The following NEXN variants were observed in gnomAD, a reference collection of about 807,000 sequenced individuals.
NEXN encodes the protein nexilin F-actin binding protein.
Under a neutral mutation model 92.6 loss-of-function variants are expected in NEXN, and 65 were observed. That is an observed-to-expected ratio of 0.70 (90% confidence interval 0.57 to 0.86). The LOEUF is 0.86. Among genes scored for constraint, NEXN ranks in the 40% least tolerant of loss-of-function variants. The probability of loss-of-function intolerance (pLI) is 0.00; values close to 1 mark genes in which losing one functional copy is unlikely to be tolerated. For missense variants in NEXN, 778 were observed against 771.1 expected (o/e 1.01, Z -0.11); for synonymous variants, 254 against 242.5 (o/e 1.05, Z -0.44).
At chr1:77,928,627 GATA>G (rs1201146972) in intron 8 of NEXN, among the ~76,000 whole-genome samples, 3 of 150,960 alleles carry the variant, frequency 2.0e-5, no homozygotes, top group Admixed American at 2.0e-4. Context: ...AATAGTTCTA[GATA>G]ATAATCTTTT....
In NEXN at chr1:77,942,498, T is replaced by C. The variant is rs369894742; in HGVS notation, c.1697T>C (p.Met566Thr). 2 of 1,613,914 alleles carry C rather than the reference T, an allele frequency of 1.2e-6. No homozygotes were observed. The highest frequency in any genetic ancestry group is 3.3e-4 in the Middle Eastern group (2 of 6,062). ...GAGGAGGAGGAAGAAGGTAGCATCA[T>C]GAATGGCTCCACTGCTGAAGATGAA... ...EEEEEEEGSI[M>T]NGSTAEDEEQ... Residue 566 changes from methionine (M) to threonine (T), a missense_variant, in exon 13 of 13, where the codon ATG becomes ACG. This residue lies in a region of NEXN where 532 missense variants were observed against 476.7 expected (regional missense o/e 1.12). Coordinates refer to ENST00000334785, the MANE Select transcript of NEXN (RefSeq NM_144573.4).
chr1:77,937,519 G>C (rs1430866550), intron 11 of NEXN, among the ~76,000 whole-genome samples: 1 of 152,020 alleles, frequency 6.6e-6, no homozygotes, highest in Non-Finnish European at 1.5e-5. Flanking sequence ...GTGAAACCCT[G>C]TCTCTACAAA....
intron 8 of NEXN, 55 bp from the exon 9 acceptor site, chr1:77,929,261 C>T (rs1007242264): frequency 5.5e-6 from 7 of 1,272,060 alleles, no homozygotes; most frequent in Non-Finnish European, 8.0e-6. Flanking sequence ...ATTAATAATT[C>T]ATTCCTTTTT....
chr1:77,896,563 CA>C (rs1647265975), intron 1 of NEXN, among the ~76,000 whole-genome samples: 1 of 152,076 alleles, frequency 6.6e-6, no homozygotes, highest in Non-Finnish European at 1.5e-5. Flanking sequence ...AGTTCAAGGC[CA>C]GCCTGGCCAA....
chr1:77,928,817 C>G (rs2102131512), intron 8 of NEXN, among the ~76,000 whole-genome samples: 1 of 152,226 alleles, frequency 6.6e-6, no homozygotes. Context: ...AACAGTAACC[C>G]CTCACTGCAG....
chr1:77,921,429 C>T (rs1162548838), intron 5 of NEXN, among the ~76,000 whole-genome samples: 4 of 152,090 alleles, frequency 2.6e-5, no homozygotes, highest in Non-Finnish European at 4.4e-5. Flanking sequence ...GGCTTCTCAC[C>T]GTATCTCCTG....
chr1:77,925,335 T>C lies in NEXN; in HGVS notation c.489+106T>C, dbSNP rs76684082. On this transcript the variant is annotated intron_variant, in intron 6 of 12. Coordinates refer to ENST00000334785, the MANE Select transcript of NEXN (RefSeq NM_144573.4). ...AAAAGAGCTTTTATTATTTTTATTATAAATGTAGAAATAACAAAAAAGTAT... is the reference window on the plus strand; with the variant it reads ...AAAAGAGCTTTTATTATTTTTATTACAAATGTAGAAATAACAAAAAAGTAT... 18,285 of 826,810 alleles carry C rather than the reference T, an allele frequency of 0.022. 336 individuals carry two copies. The highest frequency in any genetic ancestry group is 0.051 in the Middle Eastern group (147 of 2,896). 51.2% of individuals were successfully genotyped at this position (826,810 alleles called of 1,614,324 possible).
intron 1 of NEXN, among the ~76,000 whole-genome samples, chr1:77,912,897 TATGATACCAAAGTCACA>T (rs1032961173): frequency 2.6e-5 from 4 of 152,212 alleles, no homozygotes; most frequent in African/African-American, 9.6e-5. Flanking sequence ...ACTTTTTAGC[TATGATACCAAAGTCACA>T]ATTCATGAAA....
At chr1:77,931,956 G>C (rs533889301) in intron 9 of NEXN, 1 of 151,562 alleles carries the variant, frequency 6.6e-6, no homozygotes, top group East Asian at 2.0e-4. Flanking sequence ...TTGAGATGGA[G>C]TCTCGCTGTC....
intron 1 of NEXN, among the ~76,000 whole-genome samples, chr1:77,913,117 A>T (rs989163772): frequency 3.2e-4 from 49 of 152,346 alleles, no homozygotes; most frequent in Middle Eastern, 3.4e-3. Flanking sequence ...CAACCCAATT[A>T]AAAAATGGAC....
At chr1:77,919,401 A>G (rs1378339615) in intron 5 of NEXN, among the ~76,000 whole-genome samples, 2 of 152,218 alleles carry the variant, frequency 1.3e-5, no homozygotes, top group African/African-American at 2.4e-5. Context: ...CCTTTCTGAA[A>G]AGAAAAGTGA....
In NEXN at chr1:77,938,906, T is replaced by C. The variant is rs1571164486; in HGVS notation, c.1473+2862T>C. On this transcript the variant is annotated intron_variant, in intron 11 of 12. Coordinates refer to ENST00000334785, the MANE Select transcript of NEXN (RefSeq NM_144573.4). ...ACAGAATAAGTGATAGGATACAAGG[T>C]TGTAAAAATAGGTTGTGGCTAGTTA... 2.0e-5 allele frequency among the ~76,000 whole-genome samples: 3 copies of C among 152,248 alleles called. No individual in the cohort carries two copies. In the South Asian group the frequency reaches 6.2e-4, roughly 32 times the overall value.
At chr1:77,938,371 C>A (rs1650958092) in intron 11 of NEXN, among the ~76,000 whole-genome samples, 1 of 152,080 alleles carries the variant, frequency 6.6e-6, no homozygotes, top group African/African-American at 2.4e-5. Context: ...TAGTCTACAG[C>A]CGGGTGCGGT....
At position 77,917,951 on chromosome 1, in the gene NEXN, AC is replaced by A. The variant is rs755455852; in HGVS notation, c.220-7del. 5.0e-6 allele frequency: 8 copies of A among 1,605,964 alleles called. No individual in the cohort carries two copies. In the Admixed American group the frequency reaches 1.3e-4, roughly 27 times the overall value. ...ACATGTGCTCACATTAATTTATTTA[AC>A]CATCTAGATTAAAGAAATGCTTGCT... On this transcript the variant is annotated splice_polypyrimidine_tract_variant and splice_region_variant and intron_variant, in intron 3 of 12. Transcript: ENST00000334785.
chr1:77,917,507 A>G, intron 2 of NEXN, 59 bp from the exon 3 acceptor site: 2 of 1,203,996 alleles, frequency 1.7e-6, no homozygotes, highest in Non-Finnish European at 1.2e-6. Context: ...ATCTATCTTT[A>G]CCTAATTTCT....
chr1:77,917,663 G>A lies in NEXN; in HGVS notation c.125G>A (p.Arg42Lys), dbSNP rs777157281. The A allele has an allele frequency of 5.0e-6, 8 of 1,612,748 alleles. No individual in the cohort carries two copies. In the African/African-American group the frequency reaches 8.0e-5, roughly 16 times the overall value. ...KDKFEAMQRA[R>K]EERNQRRSRD... is the part of the protein sequence containing the mutation. Reference sequence around the variant, plus strand: ...AAGTTTGAAGCCATGCAGAGAGCCAGGGAAGAAAGAAATCAAAGGAGATCT... The same window carrying A: ...AAGTTTGAAGCCATGCAGAGAGCCAAGGAAGAAAGAAATCAAAGGAGATCT... The change falls in exon 3 of 13, where the codon AGG (arginine) becomes AAG (lysine). Residue 42 changes from arginine (R) to lysine (K), a missense_variant. Around this residue, in one of 3 missense-constraint regions of NEXN, gnomAD observed 236 missense variants for 265.6 expected, o/e 0.89. Transcript: ENST00000334785.
chr1:77,907,353 G>A (rs1439469942), intron 1 of NEXN, among the ~76,000 whole-genome samples: 1 of 152,194 alleles, frequency 6.6e-6, no homozygotes, highest in Non-Finnish European at 1.5e-5. Context: ...TGTATTTACA[G>A]TGTCTACGTA....
intron 11 of NEXN, among the ~76,000 whole-genome samples, 172 bp downstream of exon 11, chr1:77,936,216 G>A (rs892190193): frequency 6.6e-6 from 1 of 152,084 alleles, no homozygotes; most frequent in Non-Finnish European, 1.5e-5. Context: ...TGAAAGACTA[G>A]CATTGTTTCA....
chr1:77,895,251 T>C lies in NEXN; in HGVS notation c.-53+6492T>C, dbSNP rs536490884. On this transcript the variant is annotated intron_variant, in intron 1 of 12. Transcript: ENST00000334785. Reference sequence around the variant, plus strand: ...TAGTAGAGATGGGGTTTCGCCGTGTTAGCCAGGATGGTCTCGATCTCCTGA... The same window carrying C: ...TAGTAGAGATGGGGTTTCGCCGTGTCAGCCAGGATGGTCTCGATCTCCTGA... 1.1e-4 allele frequency among the ~76,000 whole-genome samples: 16 copies of C among 151,874 alleles called. No individual in the cohort carries two copies. In the East Asian group the frequency reaches 2.9e-3, roughly 28 times the overall value.
Sources: allele counts gnomAD v4.1 joint callset (sites outside exome capture counted in the v4.1 genomes callset), GRCh38; gene constraint gnomAD v4.1.1; regional missense constraint gnomAD v4.1.1; transcripts MANE v1.5; gene names NCBI Gene and HGNC (gene_info 2026-07-23, HGNC 2026-07-21).